The following CACNA1I variants were observed in gnomAD, a reference collection of about 807,000 sequenced individuals.
CACNA1I encodes calcium voltage-gated channel subunit alpha1 I, also known as voltage-dependent T-type calcium channel subunit alpha-1I.
Under a neutral mutation model 201.6 loss-of-function variants are expected in CACNA1I, and 74 were observed. The ratio of observed to expected loss-of-function variants is 0.37; its 90% confidence interval spans 0.30 to 0.45. The LOEUF (loss-of-function observed/expected upper bound fraction) is 0.45, where lower values mean the gene tolerates loss of function less well. Ranked by LOEUF, CACNA1I falls within the 20% of genes least tolerant of loss-of-function variation. CACNA1I has a pLI of 1.00. For synonymous variants in CACNA1I, 1,431 were observed against 1,345.2 expected, an observed-to-expected ratio of 1.06 and a Z score of -1.40; for missense variants, 2,346 against 3,138.1, an observed-to-expected ratio of 0.75 and a Z score of 6.03.
rs1286522321 is a variant in CACNA1I at position 39,617,420 on chromosome 22, G to GC, written c.483-1884dup. Among the ~76,000 whole-genome samples, 3 of 137,972 alleles carry GC rather than the reference G, an allele frequency of 2.2e-5. No individual in the cohort carries two copies. In the East Asian group the frequency reaches 6.9e-4, roughly 32 times the overall value. The allele number at this position is 137,972 out of a possible 152,430, so 90.5% of individuals were successfully genotyped here. ...CCTAGGGACTGACTCCCCCCACCCC[G>GC]CCCCCCACAGGATCTGGAGAACCAA... On this transcript the variant is annotated intron_variant, in intron 3 of 36. Coordinates refer to ENST00000402142, the MANE Select transcript of CACNA1I (RefSeq NM_021096.4).
chr22:39,594,354 G>A (rs985227372), intron 1 of CACNA1I, among the ~76,000 whole-genome samples: 6 of 152,190 alleles, frequency 3.9e-5, no homozygotes, highest in African/African-American at 1.2e-4. Flanking sequence ...AGGAGAGAGC[G>A]CACGACAGGA....
chr22:39,644,172 C>A (rs1449164560), intron 7 of CACNA1I, among the ~76,000 whole-genome samples: 1 of 152,198 alleles, frequency 6.6e-6, no homozygotes, highest in Non-Finnish European at 1.5e-5. Flanking sequence ...TGGCCAGGAT[C>A]CTGCAGTGTG....
At chr22:39,617,588 AC>A (rs1217788547) in intron 3 of CACNA1I, among the ~76,000 whole-genome samples, 3 of 151,652 alleles carry the variant, frequency 2.0e-5, no homozygotes, top group Non-Finnish European at 4.4e-5. Context: ...TGTGTGTGCC[AC>A]CCCCGCAGCC....
intron 1 of CACNA1I, among the ~76,000 whole-genome samples, chr22:39,595,224 G>C (rs1408342590): frequency 6.6e-6 from 1 of 151,954 alleles, no homozygotes; most frequent in Non-Finnish European, 1.5e-5. Flanking sequence ...GGGAGACGGA[G>C]GTTGCAGTGA....
At chr22:39,598,344 C>G (rs1229105728) in intron 2 of CACNA1I, 82 bp downstream of exon 2, 2 of 702,310 alleles carry the variant, frequency 2.8e-6, no homozygotes, top group Non-Finnish European at 4.9e-6. Context: ...CACACCCCCG[C>G]CCCATGTCCT....
chr22:39,585,808 C>G (rs4353751), intron 1 of CACNA1I, among the ~76,000 whole-genome samples: 22,748 of 147,026 alleles, frequency 0.15, 2,897 homozygotes, highest in East Asian at 0.65. Flanking sequence ...AAGTGATCCA[C>G]CAGCCTCAGC....
intron 3 of CACNA1I, 99 bp downstream of exon 3, chr22:39,600,752 C>T (rs192222399): frequency 1.0e-5 from 14 of 1,400,112 alleles, no homozygotes; most frequent in Admixed American, 9.2e-5. Flanking sequence ...AGGGGAATCA[C>T]GGTGATGCGT....
chr22:39,570,831 G>C lies in CACNA1I; in HGVS notation c.79G>C (p.Gly27Arg). Residue 27 changes from glycine (G) to arginine (R), a missense_variant, in exon 1 of 37, where the codon GGA becomes CGA. By Grantham distance (125) the Gly-to-Arg change is moderately radical. This residue lies in a region of CACNA1I where 130 missense variants were observed against 160.7 expected (regional missense o/e 0.81). Coordinates refer to ENST00000402142, the MANE Select transcript of CACNA1I (RefSeq NM_021096.4). ...GCCAGGAGTCACCACGGAGCAGCCC[G>C]GACCCCGGAGCCCCCCATCCTCCCC... is the stretch of plus-strand genomic sequence containing the variant. ...AEPGVTTEQP[G>R]PRSPPSSPPG... The C allele has an allele frequency of 6.2e-7, 1 of 1,613,440 alleles. No homozygotes were observed. The highest frequency in any genetic ancestry group is 1.1e-5 in the South Asian group (1 of 91,068).
chr22:39,636,280 A>G (rs1934217837), intron 5 of CACNA1I, among the ~76,000 whole-genome samples: 1 of 152,160 alleles, frequency 6.6e-6, no homozygotes, highest in South Asian at 2.1e-4. Flanking sequence ...GGAGAGTTGG[A>G]GGGAGGATGC....
At chr22:39,613,107 C>T (rs1933429477) in intron 3 of CACNA1I, among the ~76,000 whole-genome samples, 2 of 152,236 alleles carry the variant, frequency 1.3e-5, no homozygotes, top group African/African-American at 4.8e-5. Context: ...GAAATCATCT[C>T]CTGGGCGGGG....
chr22:39,649,433 G>A lies in CACNA1I; in HGVS notation c.1568-68G>A, dbSNP rs1934583888. On this transcript the variant is annotated intron_variant, in intron 9 of 36. Transcript: ENST00000402142. The surrounding 1 kb of genome is among the most constrained non-coding windows in gnomAD (Gnocchi z 7.3). ...GGCCTGGGAGCCAAGCGCACTCAGG[G>A]ATGTGTCCCAGGGTGGATTGGGCCT... 5.6e-6 allele frequency: 8 copies of A among 1,421,058 alleles called. No homozygotes were observed. The South Asian group carries it at 7.2e-5, about 13-fold the overall frequency. 88.0% of individuals were successfully genotyped at this position (1,421,058 alleles called of 1,614,324 possible). A position where few individuals can be genotyped will look rare whatever the true frequency, so the allele number is the denominator to read the frequency against.
At chr22:39,625,163 C>T (rs1324956049) in intron 4 of CACNA1I, among the ~76,000 whole-genome samples, 1 of 151,962 alleles carries the variant, frequency 6.6e-6, no homozygotes, top group Admixed American at 6.6e-5. Flanking sequence ...GTCTCGGTCT[C>T]CCAAAGTGCT....
chr22:39,648,005 G>A lies in CACNA1I; in HGVS notation c.1567+79G>A, dbSNP rs1175336486. The A allele has an allele frequency of 9.4e-6, 12 of 1,272,140 alleles. No individual in the cohort carries two copies. The highest frequency in any genetic ancestry group is 5.9e-5 in the African/African-American group (4 of 68,138). The allele number at this position is 1,272,140 out of a possible 1,614,324, so 78.8% of individuals were successfully genotyped here. ...CCCAGTTGGTGCTGAGAAGGAAGTCGGCAGGCATGGGGACGGCGCTTGAGC... is the reference window on the plus strand; with the variant it reads ...CCCAGTTGGTGCTGAGAAGGAAGTCAGCAGGCATGGGGACGGCGCTTGAGC... On this transcript the variant is annotated intron_variant, in intron 9 of 36. Coordinates refer to ENST00000402142, the MANE Select transcript of CACNA1I (RefSeq NM_021096.4). The surrounding 1 kb of genome is among the most constrained non-coding windows in gnomAD (Gnocchi z 5.4).
At chr22:39,608,819 CA>C (rs983034747) in intron 3 of CACNA1I, among the ~76,000 whole-genome samples, 2 of 145,608 alleles carry the variant, frequency 1.4e-5, no homozygotes, top group African/African-American at 5.1e-5. Flanking sequence ...GATCCTGTCT[CA>C]AAAAAAAAGA....
rs138487112 is a variant in CACNA1I at position 39,685,084 on chromosome 22, ACTGT to A, written c.6027+590_6027+593del. On this transcript the variant is annotated intron_variant, in intron 36 of 36. Coordinates refer to ENST00000402142, the MANE Select transcript of CACNA1I (RefSeq NM_021096.4). The surrounding 1 kb of genome is among the most constrained non-coding windows in gnomAD (Gnocchi z 5.0). ...GTGAGTGCAGTTGATTCACTGGGTG[ACTGT>A]CTGACCCGTCACACCAGGCTGTGTG... 444 of 174,102 alleles carry A rather than the reference ACTGT, an allele frequency of 2.6e-3. 2 individuals carry two copies. The highest frequency in any genetic ancestry group is 0.01 in the African/African-American group (422 of 41,838). The allele number at this position is 174,102 out of a possible 1,614,324, so 10.8% of individuals were successfully genotyped here.
chr22:39,639,860 A>G (rs532760332), intron 5 of CACNA1I, among the ~76,000 whole-genome samples: 1 of 152,338 alleles, frequency 6.6e-6, no homozygotes, highest in East Asian at 1.9e-4. Context: ...CTGTATTAAC[A>G]ATCATAGTTG....
At chr22:39,609,455 A>G (rs966192088) in intron 3 of CACNA1I, among the ~76,000 whole-genome samples, 1 of 152,234 alleles carries the variant, frequency 6.6e-6, no homozygotes, top group Non-Finnish European at 1.5e-5. Flanking sequence ...ATAGTTCTGC[A>G]GTGTGGGGGC....
At chr22:39,668,886 G>A (rs1046999561) in intron 24 of CACNA1I, among the ~76,000 whole-genome samples, 2 of 152,008 alleles carry the variant, frequency 1.3e-5, no homozygotes, top group Non-Finnish European at 2.9e-5. Flanking sequence ...AGAGAGAGCC[G>A]GTGAGGGACT....
intron 3 of CACNA1I, among the ~76,000 whole-genome samples, chr22:39,611,104 C>A (rs1266323202): frequency 6.6e-6 from 1 of 152,138 alleles, no homozygotes. Context: ...CAGGCCAGGC[C>A]TTGTTACTCC....
Sources: gnomAD v4.1 joint callset for allele counts (sites outside exome capture counted in the v4.1 genomes callset) on GRCh38, gnomAD v4.1.1 for gene constraint, gnomAD v4.1.1 regional missense constraint, Gnocchi (gnomAD v3.1) non-coding constraint, MANE v1.5 for transcripts, NCBI Gene and HGNC (gene_info 2026-07-23, HGNC 2026-07-21) for gene names.